Variants in DNAJC18 observed in about 807,000 individuals in gnomAD.
The protein encoded by DNAJC18 is DnaJ heat shock protein family (Hsp40) member C18, also known as dnaJ homolog subfamily C member 18.
DNAJC18 carries 40 observed loss-of-function variants against 48.6 expected under a neutral mutation model. The observed-to-expected ratio is 0.82, with a 90% CI of 0.64 to 1.07. The LOEUF is 1.07. Among genes scored for constraint, DNAJC18 ranks in the 50% least tolerant of loss-of-function variants. The probability of loss-of-function intolerance (pLI) is 0.00; values close to 1 mark genes in which losing one functional copy is unlikely to be tolerated. For missense variants in DNAJC18, 340 were observed against 427.7 expected (o/e 0.79, Z 1.81); for synonymous variants, 135 against 152.2 (o/e 0.89, Z 0.83).
intron 5 of DNAJC18, among the ~76,000 whole-genome samples, 176 bp from the exon 6 acceptor site, chr5:139,422,993 G>A (rs1238101381): frequency 1.3e-5 from 2 of 151,696 alleles, no homozygotes; most frequent in East Asian, 3.9e-4. Flanking sequence ...CCGCCACCAC[G>A]CCCGGCTTAG....
intron 7 of DNAJC18, among the ~76,000 whole-genome samples, chr5:139,414,862 G>A (rs1026274735): frequency 2.6e-5 from 4 of 152,184 alleles, no homozygotes; most frequent in East Asian, 1.9e-4. Flanking sequence ...ATCTGGATCC[G>A]GTGACCTTTG....
chr5:139,437,766 G>A (rs936073321), intron 1 of DNAJC18, among the ~76,000 whole-genome samples: 2 of 152,142 alleles, frequency 1.3e-5, no homozygotes, highest in African/African-American at 2.4e-5. Flanking sequence ...GACACTGCTC[G>A]TAAAATAGTA....
chr5:139,430,631 G>A (rs1033350242), intron 2 of DNAJC18, among the ~76,000 whole-genome samples: 10 of 150,444 alleles, frequency 6.6e-5, no homozygotes, highest in Middle Eastern at 3.4e-3. Flanking sequence ...GTGCAGTGGC[G>A]CGATCCTGGC....
Position 139,437,462 on chromosome 5 carries a change from T to G in DNAJC18, c.137A>C (p.Lys46Thr). The G allele has an allele frequency of 2.5e-6, 4 of 1,614,182 alleles. No individual in the cohort carries two copies. Among genetic ancestry groups the G allele is most frequent in the Non-Finnish European group, 3.4e-6 (4 of 1,180,024 alleles). Residue 46 changes from lysine (K) to threonine (T), a missense_variant, in exon 2 of 8, where the codon AAG (lysine) becomes ACG (threonine). Coordinates refer to ENST00000302060, the MANE Select transcript of DNAJC18 (RefSeq NM_152686.4). Reference sequence around the variant, plus strand: ...CCACTCATTCTCAGACTTCTTTTCCTTTTGTGCCTTCATGCAGTTACAGCA... The same window carrying G: ...CCACTCATTCTCAGACTTCTTTTCCGTTTGTGCCTTCATGCAGTTACAGCA... ...CGCCNCMKAQ[K>T]EKKSENEWTQ...
chr5:139,412,636 C>T lies in DNAJC18; in HGVS notation c.*1512G>A, dbSNP rs1224762258. On this transcript the variant is annotated 3_prime_UTR_variant, in exon 8 of 8. Coordinates refer to ENST00000302060, the MANE Select transcript of DNAJC18 (RefSeq NM_152686.4). ...GGCTACAGTCACTTAATGATCCTTCCAAGTTCAGAGTCATGATAATTCAGG... is the reference window on the plus strand; with the variant it reads ...GGCTACAGTCACTTAATGATCCTTCTAAGTTCAGAGTCATGATAATTCAGG... 2.5e-6 allele frequency: 1 copy of T among 398,388 alleles called. No homozygotes were observed. 24.7% of individuals were successfully genotyped at this position (398,388 alleles called of 1,614,324 possible). A position where few individuals can be genotyped will look rare whatever the true frequency, so the allele number is the denominator to read the frequency against.
At chr5:139,418,025 T>C (rs1759095656) in intron 7 of DNAJC18, among the ~76,000 whole-genome samples, 1 of 152,184 alleles carries the variant, frequency 6.6e-6, no homozygotes, top group Non-Finnish European at 1.5e-5. Flanking sequence ...CAGAGGAAGA[T>C]GTGGGGCAGG....
chr5:139,429,040 C>A (rs1759289000), intron 2 of DNAJC18, among the ~76,000 whole-genome samples: 1 of 149,164 alleles, frequency 6.7e-6, no homozygotes, highest in Admixed American at 6.7e-5. Context: ...AATTTTTTCT[C>A]TCTTTTTCCT....
At chr5:139,418,393 C>T (rs890550865) in intron 7 of DNAJC18, among the ~76,000 whole-genome samples, 1 of 151,896 alleles carries the variant, frequency 6.6e-6, no homozygotes, top group African/African-American at 2.4e-5. Flanking sequence ...CCTCCTGCCT[C>T]GGCCTCCCAA....
At chr5:139,437,152 G>A (rs1750681743) in intron 2 of DNAJC18, among the ~76,000 whole-genome samples, 2 of 152,060 alleles carry the variant, frequency 1.3e-5, no homozygotes, top group Admixed American at 6.6e-5. Context: ...GTGTCTAGTC[G>A]GTTTCTGCTG....
rs534046511 is a variant in DNAJC18 at position 139,422,784 on chromosome 5, C to T, written c.703G>A (p.Val235Ile). The T allele has an allele frequency of 6.2e-7, 1 of 1,608,784 alleles. No homozygotes were observed. The highest frequency in any genetic ancestry group is 1.7e-5 in the Admixed American group (1 of 59,182). The change falls in exon 6 of 8, where the codon GTT (valine) becomes ATT (isoleucine). Residue 235 changes from valine (V) to isoleucine (I), a missense_variant. Transcript: ENST00000302060. ...TYSAFIQLLP[V>I]LVIVIISVIT... ...ACAGATATAATCACAATCACAAGAA[C>T]TGGAAGTAGCTGAATAAATGCAGAA... is the stretch of plus-strand genomic sequence containing the variant.
chr5:139,425,859 C>T (rs1759232370), intron 4 of DNAJC18, among the ~76,000 whole-genome samples: 1 of 152,152 alleles, frequency 6.6e-6, no homozygotes, highest in African/African-American at 2.4e-5. Flanking sequence ...TTTTACACAA[C>T]AATAATAGGC....
rs1229919634 is a variant in DNAJC18 at position 139,427,272 on chromosome 5, T to G, written c.374-915A>C. Among the ~76,000 whole-genome samples the G allele has an allele frequency of 3.9e-5, 6 of 152,348 alleles. No individual in the cohort carries two copies. The East Asian group carries it at 1.2e-3, about 29-fold the overall frequency. ...AAGGAGGGTTCAAAGGCTGAATAGT[T>G]ACATATGTTTACCAACATGTCTCCT... On this transcript the variant is annotated intron_variant, in intron 3 of 7. Transcript: ENST00000302060.
chr5:139,415,834 A>G (rs572211651), intron 7 of DNAJC18, among the ~76,000 whole-genome samples: 1 of 152,304 alleles, frequency 6.6e-6, no homozygotes, highest in South Asian at 2.1e-4. Flanking sequence ...CTTTTCTTTG[A>G]AATGATTTCC....
chr5:139,428,537 C>G lies in DNAJC18; in HGVS notation c.373+1G>C. ...CATTGAGCATTGGTTCAGGATCAGACCTTTGAAAGCATCTGTTGCTCCAGG... is the reference window on the plus strand; with the variant it reads ...CATTGAGCATTGGTTCAGGATCAGAGCTTTGAAAGCATCTGTTGCTCCAGG... On this transcript the variant is annotated splice_donor_variant, in intron 3 of 7. Transcript: ENST00000302060. LOFTEE classifies it high-confidence loss of function. 6.2e-7 allele frequency: 1 copy of G among 1,611,596 alleles called. No individual in the cohort carries two copies. Among genetic ancestry groups the G allele is most frequent in the Non-Finnish European group, 8.5e-7 (1 of 1,179,324 alleles).
chr5:139,422,047 G>A (rs1404666434), intron 6 of DNAJC18, among the ~76,000 whole-genome samples: 1 of 152,042 alleles, frequency 6.6e-6, no homozygotes, highest in Non-Finnish European at 1.5e-5. Context: ...AATCTAGAGG[G>A]TTTTTTAAAA....
Position 139,412,086 on chromosome 5 carries a change from C to A in DNAJC18, c.*2062G>T, listed in dbSNP as rs1759002720. On this transcript the variant is annotated 3_prime_UTR_variant, in exon 8 of 8. Coordinates refer to ENST00000302060, the MANE Select transcript of DNAJC18 (RefSeq NM_152686.4). Reference sequence around the variant, plus strand: ...CTAGAAATGCTCCCTCTCCCTGCAACTGAGCAGTTGTCCCCTACAAGCCAC... The same window carrying A: ...CTAGAAATGCTCCCTCTCCCTGCAAATGAGCAGTTGTCCCCTACAAGCCAC... The A allele has an allele frequency of 6.6e-6, 1 of 152,194 alleles. No homozygotes were observed. The allele number at this position is 152,194 out of a possible 1,614,324, so 9.4% of individuals were successfully genotyped here. A position where few individuals can be genotyped will look rare whatever the true frequency, so the allele number is the denominator to read the frequency against.
chr5:139,439,503 A>T lies in DNAJC18; in HGVS notation c.-58T>A, dbSNP rs1750750058. 26 of 1,612,902 alleles carry T rather than the reference A, an allele frequency of 1.6e-5. No individual in the cohort carries two copies. Among genetic ancestry groups the T allele is most frequent in the Non-Finnish European group, 2.0e-5 (24 of 1,179,640 alleles). Reference sequence around the variant, plus strand: ...CCCCCGTGCCCGAGGCTGAAAGAGAAGGGGGCGCGGAGCGCGGGGCACGCT... The same window carrying T: ...CCCCCGTGCCCGAGGCTGAAAGAGATGGGGGCGCGGAGCGCGGGGCACGCT... On this transcript the variant is annotated 5_prime_UTR_variant, in exon 1 of 8. Transcript: ENST00000302060. The surrounding 1 kb of genome is among the most constrained non-coding windows in gnomAD (Gnocchi z 4.1).
chr5:139,437,394 C>T lies in DNAJC18; in HGVS notation c.205G>A (p.Glu69Lys), dbSNP rs201532631. Residue 69 changes from glutamate to lysine, a missense_variant, in exon 2 of 8, where the codon GAA (glutamate) becomes AAA (lysine). Transcript: ENST00000302060. Reference sequence around the variant, plus strand: ...CACCTTTGTACCCCAAGCAGCTGTTCCTCACTATACGTGGAGTTCCCCTCA... The same window carrying T: ...CACCTTTGTACCCCAAGCAGCTGTTTCTCACTATACGTGGAGTTCCCCTCA... ...QGEGNSTYSE[E>K]QLLGVQRIKK... 21 of 1,612,082 alleles carry T rather than the reference C, an allele frequency of 1.3e-5. No individual in the cohort carries two copies. The highest frequency in any genetic ancestry group is 1.7e-5 in the Non-Finnish European group (20 of 1,179,228).
intron 7 of DNAJC18, chr5:139,419,312 C>G: frequency 5.5e-6 from 2 of 365,860 alleles, no homozygotes; most frequent in Non-Finnish European, 1.1e-5. Flanking sequence ...CTGCTGCAGA[C>G]ACTCCTAGTA....
Sources: gnomAD v4.1 joint callset for allele counts (sites outside exome capture counted in the v4.1 genomes callset) on GRCh38, gnomAD v4.1.1 for gene constraint, Gnocchi (gnomAD v3.1) non-coding constraint, MANE v1.5 for transcripts, NCBI Gene and HGNC (gene_info 2026-07-23, HGNC 2026-07-21) for gene names.